The following EYS variants were observed in gnomAD, a reference collection of about 807,000 sequenced individuals.
EYS encodes the protein protein eyes shut homolog.
EYS carries 250 observed loss-of-function variants against 282.1 expected under a neutral mutation model. The ratio of observed to expected loss-of-function variants is 0.89; its 90% CI spans 0.80 to 0.98. The LOEUF is 0.98. Among genes scored for constraint, EYS ranks in the 50% least tolerant of loss-of-function variants. EYS has a pLI of 0.00. For synonymous variants in EYS, 1,355 were observed against 1,282.9 expected (o/e 1.06, Z -1.20); for missense variants, 4,016 against 3,709.0 (o/e 1.08, Z -2.15).
intron 14 of EYS, among the ~76,000 whole-genome samples, chr6:64,996,846 A>G (rs1160047184): frequency 6.6e-6 from 1 of 152,190 alleles, no homozygotes; most frequent in East Asian, 1.9e-4. Flanking sequence ...TTCTAACTTC[A>G]ACAAGTATAG....
At chr6:65,335,965 T>A (rs1301494343) in intron 10 of EYS, among the ~76,000 whole-genome samples, 1 of 151,620 alleles carries the variant, frequency 6.6e-6, no homozygotes, top group Non-Finnish European at 1.5e-5. Flanking sequence ...ACTGAGTGAG[T>A]TCTCCTGAGA....
intron 2 of EYS, among the ~76,000 whole-genome samples, chr6:65,500,486 G>A (rs971469273): frequency 2.0e-5 from 3 of 151,898 alleles, no homozygotes; most frequent in Non-Finnish European, 4.4e-5. Flanking sequence ...TATAAGCGCA[G>A]GTAGATTTGA....
intron 11 of EYS, among the ~76,000 whole-genome samples, chr6:65,324,705 C>T (rs1230358973): frequency 6.6e-6 from 1 of 152,178 alleles, no homozygotes; most frequent in African/African-American, 2.4e-5. Context: ...GTAACCTGGA[C>T]TTTGGATCAG....
At chr6:64,027,281 A>G (rs1043925905) in intron 33 of EYS, among the ~76,000 whole-genome samples, 1 of 152,210 alleles carries the variant, frequency 6.6e-6, no homozygotes, top group African/African-American at 2.4e-5. Flanking sequence ...ACCATAACTC[A>G]GGGAAAGGAA....
At chr6:64,143,110 C>G (rs1774393290) in intron 31 of EYS, among the ~76,000 whole-genome samples, 1 of 152,096 alleles carries the variant, frequency 6.6e-6, no homozygotes, top group Non-Finnish European at 1.5e-5. Flanking sequence ...ATGTGATATT[C>G]TGGAAAAGCA....
chr6:65,690,907 T>A (rs1286175903), intron 1 of EYS, among the ~76,000 whole-genome samples: 1 of 150,272 alleles, frequency 6.7e-6, no homozygotes, highest in Non-Finnish European at 1.5e-5. Context: ...ACAAAGAACA[T>A]GAACTCATCC....
rs1401410968 is a variant in EYS, at chr6:63,721,923, A to G, written c.8234-126T>C. ...AAAAAAGTAACAGATCTTGAGCACAATTGTGTTAGTTTTGTTTCCACTCAC... is the reference window on the plus strand; with the variant it reads ...AAAAAAGTAACAGATCTTGAGCACAGTTGTGTTAGTTTTGTTTCCACTCAC... On this transcript the variant is annotated intron_variant, in intron 42 of 42. Coordinates refer to ENST00000503581, the MANE Select transcript of EYS (RefSeq NM_001142800.2). 2.5e-5 allele frequency: 21 copies of G among 839,004 alleles called. No homozygotes were observed. In the Middle Eastern group the frequency reaches 1.1e-3, roughly 43 times the overall value. The allele number at this position is 839,004 out of a possible 1,614,324, so 52.0% of individuals were successfully genotyped here. A position where few individuals can be genotyped will look rare whatever the true frequency, so the allele number is the denominator to read the frequency against.
intron 35 of EYS, among the ~76,000 whole-genome samples, chr6:63,964,120 C>T (rs1766199193): frequency 6.6e-6 from 1 of 152,144 alleles, no homozygotes; most frequent in Admixed American, 6.5e-5. Context: ...TTCCTTCCCC[C>T]ATTTTAATTT....
intron 9 of EYS, among the ~76,000 whole-genome samples, chr6:65,344,748 C>A (rs1247151766): frequency 6.6e-6 from 1 of 151,028 alleles, no homozygotes; most frequent in African/African-American, 2.4e-5. Flanking sequence ...GTAGGAAAAA[C>A]CAAACAAAAA....
chr6:64,914,732 G>A (rs1768108351), intron 15 of EYS, among the ~76,000 whole-genome samples: 2 of 152,050 alleles, frequency 1.3e-5, no homozygotes, highest in Admixed American at 1.3e-4. Flanking sequence ...AGACATAATT[G>A]ACTAATAAAG....
At chr6:64,330,358 C>T (rs1386184961) in intron 29 of EYS, among the ~76,000 whole-genome samples, 1 of 152,126 alleles carries the variant, frequency 6.6e-6, no homozygotes, top group Non-Finnish European at 1.5e-5. Context: ...GTTTGTCTCA[C>T]ATTTGGATTC....
At chr6:64,305,390 A>T (rs1769402304) in intron 30 of EYS, among the ~76,000 whole-genome samples, 2 of 152,232 alleles carry the variant, frequency 1.3e-5, no homozygotes, top group Admixed American at 1.3e-4. Flanking sequence ...AATCCACTTA[A>T]AATTCCTGTA....
intron 14 of EYS, among the ~76,000 whole-genome samples, chr6:64,951,327 A>AAAACAG (rs977679039): frequency 7.2e-5 from 11 of 151,938 alleles, no homozygotes; most frequent in Non-Finnish European, 1.6e-4. Flanking sequence ...AACAAAAACA[A>AAAACAG]AAACAGCTTT....
intron 36 of EYS, among the ~76,000 whole-genome samples, chr6:63,859,080 T>G (rs1035963597): frequency 2.8e-4 from 6 of 21,194 alleles, no homozygotes; most frequent in Non-Finnish European, 5.3e-4. Flanking sequence ...AGAGAGTTTT[T>G]TTTTTTTTTT....
intron 29 of EYS, among the ~76,000 whole-genome samples, chr6:64,359,102 A>G (rs1019605633): frequency 1.3e-5 from 2 of 151,698 alleles, no homozygotes; most frequent in African/African-American, 4.8e-5. Flanking sequence ...TATTAAGAAG[A>G]CTTATGTTAG....
At chr6:65,297,598 A>C (rs1184804362) in intron 11 of EYS, among the ~76,000 whole-genome samples, 1 of 151,942 alleles carries the variant, frequency 6.6e-6, no homozygotes, top group Non-Finnish European at 1.5e-5. Flanking sequence ...GTATTAAATA[A>C]ATATATTTGT....
intron 40 of EYS, among the ~76,000 whole-genome samples, chr6:63,765,879 A>G (rs1414579078): frequency 6.6e-6 from 1 of 151,900 alleles, no homozygotes; most frequent in African/African-American, 2.4e-5. Context: ...AGAACCCACA[A>G]ATAAGTGAGA....
chr6:64,656,823 A>G (rs1232657142), intron 22 of EYS, among the ~76,000 whole-genome samples: 2 of 152,200 alleles, frequency 1.3e-5, no homozygotes, highest in Non-Finnish European at 2.9e-5. Context: ...AAACAAGCTC[A>G]TAAATAAATA....
chr6:64,447,266 T>G (rs930025588), intron 26 of EYS, among the ~76,000 whole-genome samples: 4 of 152,128 alleles, frequency 2.6e-5, no homozygotes, highest in African/African-American at 9.7e-5. Context: ...GCATATTTAA[T>G]ACTTTAAATT....
Sources: gnomAD v4.1 joint callset for allele counts (sites outside exome capture counted in the v4.1 genomes callset) on GRCh38, gnomAD v4.1.1 for gene constraint, MANE v1.5 for transcripts, NCBI Gene and HGNC (gene_info 2026-07-23, HGNC 2026-07-21) for gene names.